Variants in SGCZ observed in about 807,000 individuals in gnomAD.
The protein encoded by SGCZ is zeta-sarcoglycan.
A neutral mutation model predicts 41.3 loss-of-function variants in SGCZ; 40 were observed. That is an observed-to-expected ratio of 0.97 (90% confidence interval 0.75 to 1.26). The LOEUF (loss-of-function observed/expected upper bound fraction) is 1.26. SGCZ is among the 50% of genes most tolerant of loss of function. The probability of loss-of-function intolerance (pLI) is 0.00; values close to 1 mark genes in which losing one functional copy is unlikely to be tolerated. For synonymous variants in SGCZ, 206 were observed against 137.5 expected (o/e 1.50, Z -3.49); for missense variants, 552 against 369.8 (o/e 1.49, Z -4.04).
At chr8:14,268,634 C>A (rs1799956973) in intron 3 of SGCZ, among the ~76,000 whole-genome samples, 1 of 151,676 alleles carries the variant, frequency 6.6e-6, no homozygotes, top group African/African-American at 2.4e-5. Flanking sequence ...CTTTGGCTTG[C>A]TTTTAATTAT....
At chr8:14,811,347 A>T (rs1041097008) in intron 1 of SGCZ, among the ~76,000 whole-genome samples, 5 of 151,748 alleles carry the variant, frequency 3.3e-5, no homozygotes, top group African/African-American at 7.2e-5. Flanking sequence ...CTTTATTTGA[A>T]TGATGAGCTG....
At chr8:15,119,930 C>T (rs1807415964) in intron 1 of SGCZ, among the ~76,000 whole-genome samples, 1 of 152,334 alleles carries the variant, frequency 6.6e-6, no homozygotes, top group East Asian at 1.9e-4. Flanking sequence ...TTGCTTCAGC[C>T]TCCTGAGTAG....
At chr8:14,556,518 GATTTTTATGCATCC>G (rs1804040484) in intron 1 of SGCZ, among the ~76,000 whole-genome samples, 1 of 151,942 alleles carries the variant, frequency 6.6e-6, no homozygotes, top group African/African-American at 2.4e-5. Context: ...TGATTTGTGA[GATTTTTATGCATCC>G]ATCACCTCAG....
At chr8:15,031,750 A>G (rs1480136255) in intron 1 of SGCZ, among the ~76,000 whole-genome samples, 1 of 152,194 alleles carries the variant, frequency 6.6e-6, no homozygotes, top group African/African-American at 2.4e-5. Context: ...AAAGAGTAGT[A>G]ATATTACATA....
intron 4 of SGCZ, among the ~76,000 whole-genome samples, chr8:14,181,130 C>A (rs887230074): frequency 6.6e-6 from 1 of 152,076 alleles, no homozygotes; most frequent in East Asian, 1.9e-4. Flanking sequence ...ATAGGGCCAA[C>A]GGGAGAAAAC....
At chr8:14,512,554 G>A (rs914539330) in intron 2 of SGCZ, among the ~76,000 whole-genome samples, 20 of 151,976 alleles carry the variant, frequency 1.3e-4, no homozygotes, top group African/African-American at 4.6e-4. Context: ...TCAAATTCCT[G>A]GACTCAAGTG....
chr8:14,165,399 A>T (rs1804177420), intron 4 of SGCZ: 1 of 152,106 alleles, frequency 6.6e-6, no homozygotes, highest in African/African-American at 2.4e-5. Context: ...TATACACAAA[A>T]CTCAAAGCCA....
intron 1 of SGCZ, among the ~76,000 whole-genome samples, chr8:14,562,595 TGAA>T (rs1804239673): frequency 6.6e-6 from 1 of 152,000 alleles, no homozygotes; most frequent in Non-Finnish European, 1.5e-5. Flanking sequence ...GAGACTAAAA[TGAA>T]GAAGAGACAT....
At position 14,258,995 on chromosome 8, in the gene SGCZ, A is replaced by G. The variant is rs576805167; in HGVS notation, c.337-21316T>C. Among the ~76,000 whole-genome samples, 7 of 152,260 alleles carry G rather than the reference A, an allele frequency of 4.6e-5. No individual in the cohort carries two copies. In the East Asian group the frequency reaches 5.8e-4, roughly 13 times the overall value. On this transcript the variant is annotated intron_variant, in intron 3 of 7. Transcript: ENST00000382080. ...CAGCAAGAAGCTTAACCATCATCACATCATATATTTAGCTGTGTCTTCCTG... is the reference window on the plus strand; with the variant it reads ...CAGCAAGAAGCTTAACCATCATCACGTCATATATTTAGCTGTGTCTTCCTG...
chr8:15,103,129 A>G (rs1012814416), intron 1 of SGCZ, among the ~76,000 whole-genome samples: 3 of 152,194 alleles, frequency 2.0e-5, no homozygotes, highest in African/African-American at 7.2e-5. Flanking sequence ...AGCTCAGTGC[A>G]GTGGCTCAAG....
At chr8:14,145,611 T>A (rs1803497643) in intron 5 of SGCZ, among the ~76,000 whole-genome samples, 1 of 152,080 alleles carries the variant, frequency 6.6e-6, no homozygotes, top group South Asian at 2.1e-4. Context: ...AGGACCAATC[T>A]TGGAGAACGG....
At chr8:14,798,928 G>T (rs2246651) in intron 1 of SGCZ, among the ~76,000 whole-genome samples, 151,133 of 151,916 alleles carry the variant, frequency 0.99, 75,191 homozygotes, top group Middle Eastern at 1. Context: ...TTTTACTAGA[G>T]AAAAGTCTCA....
chr8:15,113,981 G>A (rs1011851996), intron 1 of SGCZ, among the ~76,000 whole-genome samples: 1 of 152,154 alleles, frequency 6.6e-6, no homozygotes, highest in Non-Finnish European at 1.5e-5. Context: ...TTTTTTGACA[G>A]AAAACAAGAT....
At chr8:15,075,811 A>T (rs1805508607) in intron 1 of SGCZ, among the ~76,000 whole-genome samples, 1 of 152,184 alleles carries the variant, frequency 6.6e-6, no homozygotes, top group Non-Finnish European at 1.5e-5. Flanking sequence ...TTCTGCTATG[A>T]AGTCTAATTT....
chr8:14,182,289 T>C (rs1300808953), intron 4 of SGCZ, among the ~76,000 whole-genome samples: 1 of 152,188 alleles, frequency 6.6e-6, no homozygotes, highest in Non-Finnish European at 1.5e-5. Context: ...GCCAAGGCCA[T>C]GATGCCCAGC....
At chr8:14,335,155 T>C (rs1225816536) in intron 2 of SGCZ, among the ~76,000 whole-genome samples, 1 of 152,134 alleles carries the variant, frequency 6.6e-6, no homozygotes, top group Non-Finnish European at 1.5e-5. Context: ...GCTCCTAATC[T>C]CCATGGTGAT....
rs532160226 is a variant in SGCZ, at chr8:14,306,212, T to A, written c.336+17891A>T. Among the ~76,000 whole-genome samples the A allele has an allele frequency of 9.8e-5, 15 of 152,298 alleles. No homozygotes were observed. In the South Asian group the frequency reaches 3.1e-3, roughly 32 times the overall value. On this transcript the variant is annotated intron_variant, in intron 3 of 7. Transcript: ENST00000382080. The stretch of plus-strand genomic sequence containing the variant: ...ATAACCATCATGACAACAAAAGTAG[T>A]TTACAAATCTCACCATGATTAAAGC...
At chr8:14,772,799 T>C (rs1186936442) in intron 1 of SGCZ, among the ~76,000 whole-genome samples, 4 of 152,146 alleles carry the variant, frequency 2.6e-5, no homozygotes, top group African/African-American at 9.7e-5. Context: ...GGTGTATATG[T>C]GCCACATTTC....
At chr8:14,683,156 A>C (rs906125487) in intron 1 of SGCZ, among the ~76,000 whole-genome samples, 3 of 152,196 alleles carry the variant, frequency 2.0e-5, no homozygotes, top group African/African-American at 7.2e-5. Context: ...CAATGATTCA[A>C]CAAGGTACTC....
Sources: allele counts gnomAD v4.1 joint callset (sites outside exome capture counted in the v4.1 genomes callset), GRCh38; gene constraint gnomAD v4.1.1; transcripts MANE v1.5; gene names NCBI Gene and HGNC (gene_info 2026-07-23, HGNC 2026-07-21).